GRM8: variants seen among roughly 807,000 people sequenced by gnomAD.
The protein encoded by GRM8 is glutamate metabotropic receptor 8.
GRM8 carries 47 observed loss-of-function variants against 87.2 expected under a neutral mutation model. The ratio of observed to expected loss-of-function variants is 0.54; its 90% CI spans 0.43 to 0.69. The LOEUF (loss-of-function observed/expected upper bound fraction) is 0.69, where lower values mean the gene tolerates loss of function less well. Ranked by LOEUF, GRM8 falls within the 30% of genes least tolerant of loss-of-function variation. GRM8 has a pLI of 0.00. For missense variants in GRM8, 1,019 were observed against 1,139.2 expected (o/e 0.89, Z 1.52); for synonymous variants, 396 against 404.5 (o/e 0.98, Z 0.25).
chr7:126,512,353 C>T (rs972077025), intron 9 of GRM8: 1 of 152,098 alleles, frequency 6.6e-6, no homozygotes, highest in African/African-American at 2.4e-5. Flanking sequence ...CCCTGATAGT[C>T]TGATTCAAAT....
intron 9 of GRM8, among the ~76,000 whole-genome samples, chr7:126,471,724 G>A (rs1232528157): frequency 6.6e-6 from 1 of 151,786 alleles, no homozygotes; most frequent in Non-Finnish European, 1.5e-5. Context: ...CCAATTCTGT[G>A]AAGAAAGTCA....
intron 6 of GRM8, among the ~76,000 whole-genome samples, chr7:126,840,496 GT>G (rs1014332537): frequency 5.3e-5 from 8 of 151,968 alleles, no homozygotes; most frequent in African/African-American, 1.5e-4. Flanking sequence ...TTCAAGCATA[GT>G]TTTTTTCTCA....
At chr7:126,575,985 T>G (rs1015530887) in intron 8 of GRM8, among the ~76,000 whole-genome samples, 1 of 152,150 alleles carries the variant, frequency 6.6e-6, no homozygotes, top group Non-Finnish European at 1.5e-5. Context: ...CACTGTGTAA[T>G]GCAAACAGCT....
intron 3 of GRM8, among the ~76,000 whole-genome samples, chr7:127,018,513 G>A (rs1208920102): frequency 6.6e-6 from 1 of 151,422 alleles, no homozygotes; most frequent in Non-Finnish European, 1.5e-5. Flanking sequence ...GGGTCAGGGT[G>A]GACACTGCTA....
At chr7:126,771,166 T>A (rs79666570) in intron 6 of GRM8, among the ~76,000 whole-genome samples, 43 of 152,224 alleles carry the variant, frequency 2.8e-4, no homozygotes, top group Non-Finnish European at 4.6e-4. Flanking sequence ...CAAATATTTG[T>A]TTTCTGAACA....
intron 3 of GRM8, among the ~76,000 whole-genome samples, chr7:126,936,229 ATT>A (rs374462957): frequency 1.3e-5 from 2 of 151,822 alleles, no homozygotes; most frequent in Admixed American, 6.6e-5. Flanking sequence ...TTGTCCTGTG[ATT>A]TTTTTTCTTA....
intron 7 of GRM8, among the ~76,000 whole-genome samples, chr7:126,713,782 C>G (rs1385523342): frequency 6.6e-6 from 1 of 151,782 alleles, no homozygotes; most frequent in Non-Finnish European, 1.5e-5. Flanking sequence ...ATCTAGGGTA[C>G]AGCATGGGTG....
chr7:126,685,314 C>T lies in GRM8; in HGVS notation c.1358-75816G>A, dbSNP rs1475462102. ...CACAGAGGGGTGACCAGAGAGGGGACTCGAGGCGGAGCCGGGCCTGGGGTG... is the reference window on the plus strand; with the variant it reads ...CACAGAGGGGTGACCAGAGAGGGGATTCGAGGCGGAGCCGGGCCTGGGGTG... On this transcript the variant is annotated intron_variant, in intron 7 of 10. Transcript: ENST00000339582. This position sits in a 1 kb window ranked among gnomAD's most constrained non-coding sequence, Gnocchi z 4.2. Among the ~76,000 whole-genome samples, 1 of 152,114 alleles carries T rather than the reference C, an allele frequency of 6.6e-6. No homozygotes were observed. The highest frequency in any genetic ancestry group is 6.5e-5 in the Admixed American group (1 of 15,270).
chr7:127,015,993 A>T (rs17869416), intron 3 of GRM8, among the ~76,000 whole-genome samples: 2,136 of 152,196 alleles, frequency 0.014, 46 homozygotes, highest in African/African-American at 0.048. Flanking sequence ...AATTCCTTGA[A>T]TATCTCTTAT....
intron 9 of GRM8, among the ~76,000 whole-genome samples, chr7:126,495,897 C>T (rs971258386): frequency 2.0e-5 from 3 of 151,996 alleles, no homozygotes; most frequent in Non-Finnish European, 4.4e-5. Flanking sequence ...ACTAGGCATA[C>T]GTGCATGCTG....
chr7:126,631,986 T>G (rs903093632), intron 7 of GRM8, among the ~76,000 whole-genome samples: 1 of 152,030 alleles, frequency 6.6e-6, no homozygotes, highest in Non-Finnish European at 1.5e-5. Flanking sequence ...GATTTTGTGA[T>G]GAAATCATCA....
At chr7:126,789,411 T>C (rs188765037) in intron 6 of GRM8, among the ~76,000 whole-genome samples, 54 of 152,264 alleles carry the variant, frequency 3.5e-4, no homozygotes, top group African/African-American at 1.3e-3. Flanking sequence ...TATAAATTTA[T>C]GGTATCTTAA....
intron 7 of GRM8, among the ~76,000 whole-genome samples, chr7:126,680,237 C>T (rs1352208782): frequency 6.6e-6 from 1 of 152,096 alleles, no homozygotes; most frequent in Admixed American, 6.5e-5. Flanking sequence ...CTGTCAATCT[C>T]ATTGACAGAA....
intron 7 of GRM8, among the ~76,000 whole-genome samples, chr7:126,755,385 G>A (rs1816888781): frequency 6.6e-6 from 1 of 151,878 alleles, no homozygotes; most frequent in African/African-American, 2.4e-5. Flanking sequence ...AATACTACCT[G>A]GAAAAAATGT....
intron 3 of GRM8, among the ~76,000 whole-genome samples, chr7:127,002,141 G>C (rs1006754958): frequency 2.0e-5 from 3 of 151,504 alleles, no homozygotes; most frequent in Non-Finnish European, 4.4e-5. Flanking sequence ...GTATACATTT[G>C]TCAAAACTCA....
intron 2 of GRM8, among the ~76,000 whole-genome samples, chr7:127,157,274 AGAG>A (rs1792791647): frequency 6.6e-6 from 1 of 151,956 alleles, no homozygotes. Context: ...AGAGGACAAA[AGAG>A]GACAGGAGAG....
chr7:126,668,852 G>A (rs1365702696), intron 7 of GRM8, among the ~76,000 whole-genome samples: 1 of 152,102 alleles, frequency 6.6e-6, no homozygotes, highest in Non-Finnish European at 1.5e-5. Context: ...TGTATTGTGT[G>A]TAATGTCTGT....
chr7:126,548,264 T>C (rs956056236), intron 8 of GRM8, among the ~76,000 whole-genome samples: 2 of 151,704 alleles, frequency 1.3e-5, no homozygotes, highest in African/African-American at 4.8e-5. Context: ...TGTATACATA[T>C]GTAACAAACC....
chr7:126,462,877 A>C (rs1343634947), intron 9 of GRM8, among the ~76,000 whole-genome samples: 1 of 151,596 alleles, frequency 6.6e-6, no homozygotes, highest in Non-Finnish European at 1.5e-5. Flanking sequence ...GATGACACTC[A>C]GGAGAAAAAG....
Sources: gnomAD v4.1 joint callset for allele counts (sites outside exome capture counted in the v4.1 genomes callset) on GRCh38, gnomAD v4.1.1 for gene constraint, Gnocchi (gnomAD v3.1) non-coding constraint, MANE v1.5 for transcripts, NCBI Gene and HGNC (gene_info 2026-07-23, HGNC 2026-07-21) for gene names.